PAPSS1: variants seen among roughly 807,000 people sequenced by gnomAD.
PAPSS1 encodes 3'-phosphoadenosine 5'-phosphosulfate synthase 1.
In PAPSS1, 50 loss-of-function variants were observed where a neutral mutation model predicts 72.0. The observed-to-expected ratio is 0.69, with a 90% CI of 0.55 to 0.88. The LOEUF (loss-of-function observed/expected upper bound fraction) is 0.88, where lower values mean the gene tolerates loss of function less well. PAPSS1 is among the 40% of genes least tolerant of loss of function. PAPSS1 has a pLI of 0.00. For missense variants in PAPSS1, 657 were observed against 782.2 expected, an observed-to-expected ratio of 0.84 and a Z score of 1.91; for synonymous variants, 261 against 263.6, an observed-to-expected ratio of 0.99 and a Z score of 0.09.
intron 9 of PAPSS1, among the ~76,000 whole-genome samples, chr4:107,650,339 C>T (rs1406081143): frequency 6.6e-6 from 1 of 152,176 alleles, no homozygotes; most frequent in Non-Finnish European, 1.5e-5. Flanking sequence ...AACTGGCTCT[C>T]AGCTACTTTA....
chr4:107,619,373 T>C (rs1468040352), intron 11 of PAPSS1, among the ~76,000 whole-genome samples: 3 of 152,204 alleles, frequency 2.0e-5, no homozygotes, highest in South Asian at 2.1e-4. Context: ...TTCCACATAG[T>C]GGTGGTTCCA....
At position 107,614,020 on chromosome 4, in the gene PAPSS1, G is replaced by T; in HGVS notation, c.*229C>A. 9 of 329,662 alleles carry T rather than the reference G, an allele frequency of 2.7e-5. No individual in the cohort carries two copies. The highest frequency in any genetic ancestry group is 3.3e-5 in the Non-Finnish European group (6 of 182,960). The allele number at this position is 329,662 out of a possible 1,614,324, so 20.4% of individuals were successfully genotyped here. A position where few individuals can be genotyped will look rare whatever the true frequency, so the allele number is the denominator to read the frequency against. On this transcript the variant is annotated 3_prime_UTR_variant, in exon 12 of 12. Coordinates refer to ENST00000265174, the MANE Select transcript of PAPSS1 (RefSeq NM_005443.5). ...AAAAAGACAATTTTAAAATTGTATT[G>T]TAGGAATATAACTATAATAAGTGGA...
chr4:107,655,311 A>G (rs763337493), intron 7 of PAPSS1, among the ~76,000 whole-genome samples: 18 of 152,216 alleles, frequency 1.2e-4, no homozygotes, highest in Non-Finnish European at 2.5e-4. Context: ...GGAAAAACTT[A>G]AATCCTTGTT....
In PAPSS1 at chr4:107,717,751, C is replaced by T. The variant is rs192215727; in HGVS notation, c.60+2369G>A. Reference sequence around the variant, plus strand: ...TTACCCCCGTGCCCAACCTACTTCCCAATTTCCACACAGGTAACAACCTTT... The same window carrying T: ...TTACCCCCGTGCCCAACCTACTTCCTAATTTCCACACAGGTAACAACCTTT... On this transcript the variant is annotated intron_variant, in intron 1 of 11. Transcript: ENST00000265174. Among the ~76,000 whole-genome samples the T allele has an allele frequency of 1.2e-3, 190 of 152,324 alleles. 1 individual carries two copies. Among genetic ancestry groups the T allele is most frequent in the African/African-American group, 4.4e-3 (183 of 41,570 alleles).
At chr4:107,664,474 A>G (rs1727264746) in intron 5 of PAPSS1, among the ~76,000 whole-genome samples, 2 of 152,146 alleles carry the variant, frequency 1.3e-5, no homozygotes, top group African/African-American at 4.8e-5. Context: ...TGCACAGTCC[A>G]CTGCAATGCT....
At chr4:107,625,926 A>T (rs1423939806) in intron 11 of PAPSS1, among the ~76,000 whole-genome samples, 2 of 152,092 alleles carry the variant, frequency 1.3e-5, no homozygotes, top group Non-Finnish European at 2.9e-5. Context: ...TCATGCCTGT[A>T]ATCCCAGCAC....
rs935585506 is a variant in PAPSS1 at position 107,657,002 on chromosome 4, A to C, written c.789T>G (p.Asp263Glu). ...TLPALKINKV[D>E]MQWVQVLAEG... Reference sequence around the variant, plus strand: ...CTGCCAAAACCTGCACCCACTGCATATCCACCTAGTAAATTTGAAAGTAAA... The same window carrying C: ...CTGCCAAAACCTGCACCCACTGCATCTCCACCTAGTAAATTTGAAAGTAAA... The change falls in exon 7 of 12, where the codon GAT (aspartate) becomes GAG (glutamate). Residue 263 changes from aspartate to glutamate, a missense_variant. Asp to Glu is a conservative substitution (Grantham distance 45). Around this residue, in one of 7 missense-constraint regions of PAPSS1, gnomAD observed 190 missense variants for 176.7 expected, o/e 1.07. Coordinates refer to ENST00000265174, the MANE Select transcript of PAPSS1 (RefSeq NM_005443.5). 2 of 1,611,282 alleles carry C rather than the reference A, an allele frequency of 1.2e-6. No homozygotes were observed. The highest frequency in any genetic ancestry group is 2.7e-5 in the African/African-American group (2 of 74,858).
At chr4:107,710,916 G>A (rs758538930) in intron 1 of PAPSS1, among the ~76,000 whole-genome samples, 4 of 152,236 alleles carry the variant, frequency 2.6e-5, no homozygotes, top group Non-Finnish European at 5.9e-5. Context: ...ACCTTCTCAT[G>A]TTATGGCTAC....
In PAPSS1 at chr4:107,659,956, T is replaced by C. The variant is rs1457513757; in HGVS notation, c.783+3A>G. On this transcript the variant is annotated splice_donor_region_variant and intron_variant, in intron 6 of 11. Transcript: ENST00000265174. Reference sequence around the variant, plus strand: ...TTAGTGTGAAAAGCAACGAAGAACTTACTTTATTAATTTTCAGTGCTGGTA... The same window carrying C: ...TTAGTGTGAAAAGCAACGAAGAACTCACTTTATTAATTTTCAGTGCTGGTA... 1 of 1,515,018 alleles carries C rather than the reference T, an allele frequency of 6.6e-7. No homozygotes were observed. Among genetic ancestry groups the C allele is most frequent in the Admixed American group, 1.7e-5 (1 of 58,992 alleles). 93.8% of individuals were successfully genotyped at this position (1,515,018 alleles called of 1,614,324 possible). A position where few individuals can be genotyped will look rare whatever the true frequency, so the allele number is the denominator to read the frequency against.
At chr4:107,707,336 T>C (rs1215498982) in intron 1 of PAPSS1, among the ~76,000 whole-genome samples, 2 of 152,170 alleles carry the variant, frequency 1.3e-5, no homozygotes, top group East Asian at 1.9e-4. Flanking sequence ...CCAGGGCCAC[T>C]GGGGCCAGCC....
intron 5 of PAPSS1, among the ~76,000 whole-genome samples, chr4:107,681,408 C>T (rs543284446): frequency 6.6e-6 from 1 of 152,170 alleles, no homozygotes; most frequent in East Asian, 1.9e-4. Flanking sequence ...GTAGTATGGA[C>T]AAAACACAAG....
rs568869381 is a variant in PAPSS1, at chr4:107,659,989, C to T, written c.753G>A (p.Ala251=). Residue 251 remains alanine (A), a synonymous_variant, in exon 6 of 12, where the codon GCG becomes GCA. Coordinates refer to ENST00000265174, the MANE Select transcript of PAPSS1 (RefSeq NM_005443.5). ...TAATTTTCAGTGCTGGTAATGTTTCCGCATCTGTTTTTGCCAAATGAAGTT... is the reference window on the plus strand; with the variant it reads ...TAATTTTCAGTGCTGGTAATGTTTCTGCATCTGTTTTTGCCAAATGAAGTT... ...ENKLHLAKTD[A]ETLPALKINK... 3.9e-5 allele frequency: 62 copies of T among 1,603,692 alleles called. No individual in the cohort carries two copies. In the Admixed American group the frequency reaches 7.3e-4, roughly 19 times the overall value.
At chr4:107,622,038 T>G (rs1045101316) in intron 11 of PAPSS1, among the ~76,000 whole-genome samples, 16 of 152,118 alleles carry the variant, frequency 1.1e-4, no homozygotes, top group South Asian at 4.1e-4. Context: ...ACATATGCAT[T>G]AGGGAAAATA....
intron 2 of PAPSS1, 27 bp from the exon 3 acceptor site, chr4:107,694,033 C>T: frequency 1.3e-6 from 2 of 1,482,338 alleles, no homozygotes; most frequent in Non-Finnish European, 9.4e-7. Context: ...CAAACAGATT[C>T]CATGTGTAAA....
At chr4:107,703,565 C>G (rs1560591090) in intron 1 of PAPSS1, among the ~76,000 whole-genome samples, 2 of 152,060 alleles carry the variant, frequency 1.3e-5, no homozygotes, top group Admixed American at 6.5e-5. Context: ...TAACTTCATT[C>G]TTCTTCACGC....
intron 10 of PAPSS1, among the ~76,000 whole-genome samples, chr4:107,643,591 C>T (rs889011959): frequency 3.9e-5 from 6 of 152,132 alleles, no homozygotes; most frequent in African/African-American, 1.2e-4. Flanking sequence ...AGAGTCTGCT[C>T]TCAGGGTATC....
chr4:107,619,740 T>C (rs1725909608), intron 11 of PAPSS1, among the ~76,000 whole-genome samples: 1 of 152,176 alleles, frequency 6.6e-6, no homozygotes, highest in Admixed American at 6.5e-5. Context: ...AGTTAACCAA[T>C]CTTCTATGGC....
At chr4:107,660,948 A>G (rs1727164298) in intron 5 of PAPSS1, among the ~76,000 whole-genome samples, 1 of 152,214 alleles carries the variant, frequency 6.6e-6, no homozygotes, top group African/African-American at 2.4e-5. Flanking sequence ...AATACACTCA[A>G]AAGTTATATC....
intron 5 of PAPSS1, among the ~76,000 whole-genome samples, 192 bp downstream of exon 5, chr4:107,681,823 A>G (rs890140383): frequency 2.6e-5 from 4 of 152,194 alleles, no homozygotes; most frequent in African/African-American, 7.2e-5. Flanking sequence ...GATATTTCAC[A>G]TACTGTACAT....
Sources: allele counts gnomAD v4.1 joint callset (sites outside exome capture counted in the v4.1 genomes callset), GRCh38; gene constraint gnomAD v4.1.1; regional missense constraint gnomAD v4.1.1; transcripts MANE v1.5; gene names NCBI Gene and HGNC (gene_info 2026-07-23, HGNC 2026-07-21).